Variants in AUTS2 observed in about 807,000 individuals in gnomAD.
AUTS2 encodes the protein autism susceptibility gene 2 protein.
In AUTS2, 17 loss-of-function variants were observed where a neutral mutation model predicts 112.4. The observed-to-expected ratio is 0.15, with a 90% CI of 0.10 to 0.23. AUTS2 has a LOEUF of 0.23. Among genes scored for constraint, AUTS2 ranks in the 10% least tolerant of loss-of-function variants. The pLI is 1.00. For missense variants in AUTS2, 1,510 were observed against 1,701.6 expected (o/e 0.89, Z 1.98); for synonymous variants, 751 against 702.7 (o/e 1.07, Z -1.09).
At chr7:70,079,376 C>T (rs957235850) in intron 2 of AUTS2, among the ~76,000 whole-genome samples, 4 of 151,964 alleles carry the variant, frequency 2.6e-5, no homozygotes, top group Non-Finnish European at 4.4e-5. Flanking sequence ...GTGGCAGGCT[C>T]CTGTAATCCC....
intron 4 of AUTS2, among the ~76,000 whole-genome samples, chr7:70,152,071 G>T (rs1807471024): frequency 6.6e-6 from 1 of 152,122 alleles, no homozygotes; most frequent in East Asian, 1.9e-4. Flanking sequence ...ATTAACAGCA[G>T]ATTAGACATT....
intron 5 of AUTS2, among the ~76,000 whole-genome samples, chr7:70,697,737 A>G (rs372571468): frequency 2.0e-5 from 3 of 152,110 alleles, no homozygotes; most frequent in Admixed American, 6.5e-5. Context: ...AAATGCAGAT[A>G]TATCCTCACG....
chr7:69,745,615 A>C (rs1787456681), intron 1 of AUTS2, among the ~76,000 whole-genome samples: 1 of 152,216 alleles, frequency 6.6e-6, no homozygotes, highest in South Asian at 2.1e-4. Context: ...ATGCAAATTT[A>C]AAATTTAATA....
At chr7:69,637,769 G>A (rs1228456120) in intron 1 of AUTS2, among the ~76,000 whole-genome samples, 1 of 152,188 alleles carries the variant, frequency 6.6e-6, no homozygotes, top group Non-Finnish European at 1.5e-5. Context: ...AAGACTGGAG[G>A]AGCAAGATGA....
intron 4 of AUTS2, among the ~76,000 whole-genome samples, chr7:70,311,831 C>G (rs1789768508): frequency 6.6e-6 from 1 of 152,198 alleles, no homozygotes; most frequent in Non-Finnish European, 1.5e-5. Flanking sequence ...GTTCTCGTGC[C>G]TCAGCTTCCC....
intron 2 of AUTS2, among the ~76,000 whole-genome samples, chr7:69,935,615 A>G (rs1796379470): frequency 6.6e-6 from 1 of 152,110 alleles, no homozygotes; most frequent in Non-Finnish European, 1.5e-5. Context: ...GTAAGAAAGG[A>G]AGGTCTAAGG....
intron 6 of AUTS2, among the ~76,000 whole-genome samples, chr7:70,730,043 C>T (rs756677517): frequency 5.9e-5 from 9 of 152,054 alleles, no homozygotes; most frequent in South Asian, 4.2e-4. Context: ...CCACCACGCC[C>T]GGCTAATTTT....
At chr7:70,191,161 CTTTTTTTTTT>C (rs34637651) in intron 4 of AUTS2, among the ~76,000 whole-genome samples, 1 of 86,414 alleles carries the variant, frequency 1.2e-5, no homozygotes, top group East Asian at 3.4e-4. Flanking sequence ...CCACTTATTT[CTTTTTTTTTT>C]TTTTTTTTTT....
chr7:70,460,124 A>G (rs1046446097), intron 5 of AUTS2, among the ~76,000 whole-genome samples: 2 of 152,280 alleles, frequency 1.3e-5, no homozygotes, highest in Non-Finnish European at 2.9e-5. Context: ...GTTTAAAACC[A>G]GCATTCCAAG....
intron 1 of AUTS2, among the ~76,000 whole-genome samples, chr7:69,638,918 T>C (rs887978705): frequency 1.3e-5 from 2 of 152,258 alleles, no homozygotes; most frequent in Non-Finnish European, 2.9e-5. Context: ...CTCTAGGAAG[T>C]AGCTTTTGCA....
intron 6 of AUTS2, among the ~76,000 whole-genome samples, chr7:70,757,897 C>T (rs375297497): frequency 7.0e-6 from 1 of 143,718 alleles, no homozygotes; most frequent in Non-Finnish European, 1.5e-5. Context: ...GCTCACTGCA[C>T]CCTCCGCCCA....
At chr7:70,632,264 T>C (rs902511020) in intron 5 of AUTS2, among the ~76,000 whole-genome samples, 2 of 152,034 alleles carry the variant, frequency 1.3e-5, no homozygotes, top group African/African-American at 2.4e-5. Flanking sequence ...AGAGTGCTAA[T>C]AGAGGAACAG....
At chr7:69,824,503 A>G (rs919647896) in intron 1 of AUTS2, 1 of 151,856 alleles carries the variant, frequency 6.6e-6, no homozygotes, top group Admixed American at 6.6e-5. Context: ...TGGCAGAAGT[A>G]TAATTTATAT....
At chr7:70,355,450 C>T (rs984121175) in intron 4 of AUTS2, among the ~76,000 whole-genome samples, 1 of 151,974 alleles carries the variant, frequency 6.6e-6, no homozygotes, top group African/African-American at 2.4e-5. Flanking sequence ...TTACGGCGAC[C>T]CCCTCAAATG....
At chr7:69,870,027 G>A (rs1391784369) in intron 1 of AUTS2, among the ~76,000 whole-genome samples, 1 of 152,110 alleles carries the variant, frequency 6.6e-6, no homozygotes, top group Non-Finnish European at 1.5e-5. Context: ...AAATGATTTG[G>A]AAAATGCTGT....
chr7:69,822,269 CAG>C (rs1791033941), intron 1 of AUTS2, among the ~76,000 whole-genome samples: 2 of 152,162 alleles, frequency 1.3e-5, no homozygotes, highest in Non-Finnish European at 2.9e-5. Flanking sequence ...TTTAGCAACA[CAG>C]AGATTGATTT....
intron 6 of AUTS2, among the ~76,000 whole-genome samples, chr7:70,735,301 G>A (rs1469615726): frequency 6.6e-6 from 1 of 152,210 alleles, no homozygotes; most frequent in African/African-American, 2.4e-5. Context: ...ATCGACTTGT[G>A]AAAGGATGTC....
At chr7:69,732,317 A>T (rs1173684552) in intron 1 of AUTS2, among the ~76,000 whole-genome samples, 2 of 152,094 alleles carry the variant, frequency 1.3e-5, no homozygotes, top group Non-Finnish European at 2.9e-5. Context: ...AGTTACACAT[A>T]GGTGCTCAGA....
At chr7:69,781,228 G>C (rs1279925407) in intron 1 of AUTS2, among the ~76,000 whole-genome samples, 1 of 152,186 alleles carries the variant, frequency 6.6e-6, no homozygotes, top group Non-Finnish European at 1.5e-5. Flanking sequence ...GTTATCCTTT[G>C]TTATGATATT....
Sources: gnomAD v4.1 joint callset for allele counts (sites outside exome capture counted in the v4.1 genomes callset) on GRCh38, gnomAD v4.1.1 for gene constraint, MANE v1.5 for transcripts, NCBI Gene and HGNC (gene_info 2026-07-23, HGNC 2026-07-21) for gene names.